RAD51B: variants seen among roughly 807,000 people sequenced by gnomAD.
RAD51B encodes RAD51 paralog B, also known as DNA repair protein RAD51 homolog 2.
Under a neutral mutation model 42.2 loss-of-function variants are expected in RAD51B, and 38 were observed. The ratio of observed to expected loss-of-function variants is 0.90; its 90% CI spans 0.70 to 1.18. The LOEUF is 1.18. Among genes scored for constraint, RAD51B ranks in the 50% most tolerant of loss-of-function variants. RAD51B has a pLI of 0.00. For missense variants in RAD51B, 373 were observed against 400.7 expected, an observed-to-expected ratio of 0.93 and a Z score of 0.59; for synonymous variants, 154 against 145.2, an observed-to-expected ratio of 1.06 and a Z score of -0.43.
intron 5 of RAD51B, among the ~76,000 whole-genome samples, chr14:67,885,535 C>T (rs1365044257): frequency 1.3e-5 from 2 of 152,128 alleles, no homozygotes; most frequent in Non-Finnish European, 2.9e-5. Context: ...TGAAAGCATT[C>T]TTATTTAGTA....
At chr14:67,971,608 A>G (rs1352858618) in intron 7 of RAD51B, among the ~76,000 whole-genome samples, 4 of 152,132 alleles carry the variant, frequency 2.6e-5, no homozygotes, top group Non-Finnish European at 5.9e-5. Context: ...ATGAACTATA[A>G]AAGATAGAAT....
intron 11 of RAD51B, among the ~76,000 whole-genome samples, chr14:68,659,564 G>T (rs945652200): frequency 5.9e-5 from 9 of 152,216 alleles, no homozygotes; most frequent in Admixed American, 2.0e-4. Flanking sequence ...ACCTTGGGAG[G>T]GTCCCGACTG....
chr14:67,893,516 A>ACAAAC (rs1555411763), intron 7 of RAD51B, among the ~76,000 whole-genome samples: 2 of 102,840 alleles, frequency 1.9e-5, no homozygotes, highest in African/African-American at 3.8e-5. Flanking sequence ...ACACAAAAAA[A>ACAAAC]AACAATTAGC....
At chr14:68,581,506 TACA>T (rs1003777207) in intron 10 of RAD51B, among the ~76,000 whole-genome samples, 6 of 152,088 alleles carry the variant, frequency 3.9e-5, no homozygotes, top group Non-Finnish European at 7.4e-5. Context: ...GGAGCATCTG[TACA>T]ACAAGCAGTC....
rs77616396 is a variant in RAD51B at position 68,487,648 on chromosome 14, A to G, written c.1036+19398A>G. On this transcript the variant is annotated intron_variant, in intron 10 of 10. Transcript: ENST00000487270. ...CTCAGCCTCCCGAGTAGCTGGGACT[A>G]CAAGCATGTGCCACCACACCTGGTT... Among the ~76,000 whole-genome samples the G allele has an allele frequency of 4.6e-3, 705 of 152,114 alleles. 6 individuals carry two copies. The highest frequency in any genetic ancestry group is 0.016 in the African/African-American group (660 of 41,488).
intron 7 of RAD51B, among the ~76,000 whole-genome samples, chr14:68,068,129 A>T (rs943438803): frequency 6.6e-6 from 1 of 152,104 alleles, no homozygotes; most frequent in Non-Finnish European, 1.5e-5. Flanking sequence ...AACTTTTTTT[A>T]AAACCAGCTT....
chr14:68,356,742 G>T lies in RAD51B; in HGVS notation c.854-54682G>T, dbSNP rs999462599. ...CACGCCTGTAATCCCAGCACTTTGGGAGGCCGAGGCGGGCGGATCACGAGG... is the reference window on the plus strand; with the variant it reads ...CACGCCTGTAATCCCAGCACTTTGGTAGGCCGAGGCGGGCGGATCACGAGG... On this transcript the variant is annotated intron_variant, in intron 8 of 10. Transcript: ENST00000471583. Among the ~76,000 whole-genome samples the T allele has an allele frequency of 2.6e-5, 4 of 152,018 alleles. No individual in the cohort carries two copies. The East Asian group carries it at 5.8e-4, about 22-fold the overall frequency.
chr14:68,325,048 G>A (rs1037772456), intron 8 of RAD51B, among the ~76,000 whole-genome samples: 8 of 152,186 alleles, frequency 5.3e-5, no homozygotes, highest in Non-Finnish European at 1.2e-4. Context: ...GAGTGAGGTA[G>A]TTAGGAGCAG....
chr14:68,371,853 A>AAAAT (rs1161523815), intron 8 of RAD51B, among the ~76,000 whole-genome samples: 1 of 152,278 alleles, frequency 6.6e-6, no homozygotes, highest in African/African-American at 2.4e-5. Context: ...CCTGTCTCAA[A>AAAAT]AAATAAATAA....
rs185550634 is a variant in RAD51B, at chr14:68,635,463, T to C, written c.1037-15318T>C. ...AAGCCACAAATGCAAGCTACACGTG[T>C]CATTTTAAATTTTCTGATAGCCACA... is the stretch of plus-strand genomic sequence containing the variant. On this transcript the variant is annotated intron_variant, in intron 10 of 11. Coordinates refer to the RAD51B transcript ENST00000488612. 1.1e-3 allele frequency among the ~76,000 whole-genome samples: 175 copies of C among 152,280 alleles called. 1 individual carries two copies. Among genetic ancestry groups the C allele is most frequent in the African/African-American group, 4.1e-3 (170 of 41,556 alleles).
downstream of RAD51B, among the ~76,000 whole-genome samples, chr14:68,612,549 G>A (rs1279262068): frequency 1.3e-5 from 2 of 152,174 alleles, no homozygotes; most frequent in Admixed American, 6.5e-5. Flanking sequence ...ACTTACATGA[G>A]GTACCTAGAG....
chr14:68,363,039 G>T (rs540317052), intron 8 of RAD51B, among the ~76,000 whole-genome samples: 32 of 148,896 alleles, frequency 2.1e-4, no homozygotes, highest in African/African-American at 7.3e-4. Context: ...ACTGAAAATA[G>T]GCGGAGCCTT....
At chr14:67,992,428 AT>A (rs1177274882) in intron 7 of RAD51B, among the ~76,000 whole-genome samples, 1 of 152,184 alleles carries the variant, frequency 6.6e-6, no homozygotes, top group Non-Finnish European at 1.5e-5. Context: ...TAAGTAGTGA[AT>A]TTTCCAGGGT....
intron 7 of RAD51B, among the ~76,000 whole-genome samples, chr14:68,020,066 C>G (rs2075839225): frequency 6.6e-6 from 1 of 152,140 alleles, no homozygotes; most frequent in African/African-American, 2.4e-5. Flanking sequence ...AGGAAAATTA[C>G]CAGATCATAA....
At chr14:67,945,966 G>A (rs1392022301) in intron 7 of RAD51B, among the ~76,000 whole-genome samples, 1 of 152,080 alleles carries the variant, frequency 6.6e-6, no homozygotes, top group Non-Finnish European at 1.5e-5. Context: ...TATCAAAAGG[G>A]GTGTTCAAAA....
At position 68,362,802 on chromosome 14, in the gene RAD51B, T is replaced by C. The variant is rs558037519; in HGVS notation, c.854-48622T>C. On this transcript the variant is annotated intron_variant, in intron 8 of 10. Transcript: ENST00000471583. ...AGGCAGAGGTTGCAGTGAGCTGAGA[T>C]TGTGCCGCTGCACTCCAGCCTGGGT... 3.5e-4 allele frequency among the ~76,000 whole-genome samples: 53 copies of C among 151,970 alleles called. 1 individual carries two copies. In the South Asian group the frequency reaches 8.7e-3, roughly 25 times the overall value.
intron 7 of RAD51B, among the ~76,000 whole-genome samples, chr14:68,165,569 T>G (rs978305246): frequency 6.6e-6 from 1 of 152,120 alleles, no homozygotes; most frequent in African/African-American, 2.4e-5. Flanking sequence ...GTGAGGTAAA[T>G]TCTTGTCTTG....
At chr14:68,667,910 A>G (rs930701267) in intron 11 of RAD51B, among the ~76,000 whole-genome samples, 3 of 152,220 alleles carry the variant, frequency 2.0e-5, no homozygotes, top group Non-Finnish European at 2.9e-5. Flanking sequence ...CTGAAGGCAG[A>G]TCAGCCTTCA....
chr14:68,147,841 C>T (rs560532157), intron 7 of RAD51B, among the ~76,000 whole-genome samples: 5 of 150,538 alleles, frequency 3.3e-5, no homozygotes, highest in Admixed American at 2.6e-4. Context: ...TTATAACTGA[C>T]ATCCAATAAA....
Sources: gnomAD v4.1 joint callset for allele counts (sites outside exome capture counted in the v4.1 genomes callset) on GRCh38, gnomAD v4.1.1 for gene constraint, MANE v1.5 for transcripts, NCBI Gene and HGNC (gene_info 2026-07-23, HGNC 2026-07-21) for gene names.